COTL1: variants seen among roughly 807,000 people sequenced by gnomAD.
COTL1 encodes coactosin-like protein.
A neutral mutation model predicts 16.5 loss-of-function variants in COTL1; 15 were observed. The ratio of observed to expected loss-of-function variants is 0.91; its 90% CI spans 0.61 to 1.40. The LOEUF (loss-of-function observed/expected upper bound fraction) is 1.40, where lower values mean the gene tolerates loss of function less well. COTL1 is among the 40% of genes most tolerant of loss of function. The probability of loss-of-function intolerance (pLI) is 0.00; values close to 1 mark genes in which losing one functional copy is unlikely to be tolerated. For synonymous variants in COTL1, 112 were observed against 85.3 expected (o/e 1.31, Z -1.73); for missense variants, 220 against 201.5 (o/e 1.09, Z -0.56).
rs116828019 is a variant in COTL1 at position 84,615,719 on chromosome 16, G to A, written c.160+1782C>T. Among the ~76,000 whole-genome samples, 809 of 152,254 alleles carry A rather than the reference G, an allele frequency of 5.3e-3. 5 individuals are homozygous for A. The highest frequency in any genetic ancestry group is 0.017 in the African/African-American group (711 of 41,544). On this transcript the variant is annotated intron_variant, in intron 2 of 3. Transcript: ENST00000262428. ...CATTCAACTACAGAGGCGGAGGGAC[G>A]GAGGCCTGGGTTCAAATCCTGCCCT...
intron 2 of COTL1, among the ~76,000 whole-genome samples, chr16:84,591,999 C>A (rs1331180053): frequency 6.6e-6 from 1 of 152,164 alleles, no homozygotes; most frequent in Non-Finnish European, 1.5e-5. Context: ...GCATCTGGGG[C>A]CAGATCATTC....
At chr16:84,567,111 C>T in intron 3 of COTL1, 156 bp from the exon 4 acceptor site, 1 of 607,236 alleles carries the variant, frequency 1.6e-6, no homozygotes, top group African/African-American at 1.8e-5. Flanking sequence ...GGAAATTCAG[C>T]AGCAGAGTCA....
intron 2 of COTL1, 126 bp downstream of exon 2, chr16:84,617,375 C>T: frequency 2.4e-6 from 2 of 819,330 alleles, no homozygotes; most frequent in South Asian, 3.0e-5. Flanking sequence ...GGGTTCCTCC[C>T]ACGCCATGCG....
At chr16:84,601,064 T>C (rs547098676) in intron 2 of COTL1, among the ~76,000 whole-genome samples, 43 of 152,290 alleles carry the variant, frequency 2.8e-4, no homozygotes, top group African/African-American at 9.6e-4. Context: ...TATTACAGTA[T>C]CTATAGCATC....
intron 3 of COTL1, among the ~76,000 whole-genome samples, chr16:84,570,483 C>A (rs201419495): frequency 6.8e-6 from 1 of 147,292 alleles, no homozygotes; most frequent in Non-Finnish European, 1.5e-5. Flanking sequence ...TTTCAAACTA[C>A]AAAAAAAAAA....
intron 3 of COTL1, chr16:84,568,803 C>G (rs1249027158): frequency 2.0e-5 from 3 of 152,096 alleles, no homozygotes; most frequent in African/African-American, 7.2e-5. Context: ...TAAAAAGGCC[C>G]GTAAGGTGAT....
At chr16:84,570,073 C>G (rs905775329) in intron 3 of COTL1, among the ~76,000 whole-genome samples, 1 of 152,078 alleles carries the variant, frequency 6.6e-6, no homozygotes, top group Admixed American at 6.6e-5. Context: ...GTCAGGAGAT[C>G]GAGACCAGCC....
chr16:84,613,083 C>T (rs1905374219), intron 2 of COTL1, among the ~76,000 whole-genome samples: 1 of 151,828 alleles, frequency 6.6e-6, no homozygotes, highest in African/African-American at 2.4e-5. Context: ...TCACTGCAAC[C>T]TCTGCCTCCT....
rs534225803 is a variant in COTL1 at position 84,617,576 on chromosome 16, A to G, written c.85T>C (p.Phe29Leu). Residue 29 changes from phenylalanine to leucine, a missense_variant, in exon 2 of 4, where the codon TTT becomes CTT. Coordinates refer to ENST00000262428, the MANE Select transcript of COTL1 (RefSeq NM_021149.5). ...DDGSAVIWVT[F>L]KYDGSTIVPG... Reference sequence around the variant, plus strand: ...ACGATGGTGGAGCCGTCATATTTAAAAGTCACCCTTTGGGTTGGGAGAAGA... The same window carrying G: ...ACGATGGTGGAGCCGTCATATTTAAGAGTCACCCTTTGGGTTGGGAGAAGA... 1.2e-4 allele frequency: 186 copies of G among 1,555,868 alleles called. 5 individuals are homozygous for G. In the South Asian group the frequency reaches 2.1e-3, roughly 18 times the overall value.
chr16:84,617,495 C>T lies in COTL1; in HGVS notation c.160+6G>A. 6.4e-7 allele frequency: 1 copy of T among 1,550,644 alleles called. No homozygotes were observed. On this transcript the variant is annotated splice_donor_region_variant and intron_variant, in intron 2 of 3. Coordinates refer to ENST00000262428, the MANE Select transcript of COTL1 (RefSeq NM_021149.5). ...GCGCATCCGCCCGGCAGGCGCGCCT[C>T]CCTACCTGTGCACTGCTGGATGAAG...
intron 2 of COTL1, among the ~76,000 whole-genome samples, chr16:84,593,956 G>A (rs114077747): frequency 9.2e-4 from 140 of 152,262 alleles, no homozygotes; most frequent in African/African-American, 3.2e-3. Context: ...GGCCCTGGCA[G>A]CCACTCTTCC....
chr16:84,600,813 T>C (rs1905092283), intron 2 of COTL1, among the ~76,000 whole-genome samples: 1 of 152,174 alleles, frequency 6.6e-6, no homozygotes, highest in Non-Finnish European at 1.5e-5. Context: ...GAAAATGAAG[T>C]ACAGGATGGC....
At chr16:84,585,245 C>A (rs1394243581) in intron 3 of COTL1, among the ~76,000 whole-genome samples, 1 of 151,686 alleles carries the variant, frequency 6.6e-6, no homozygotes, top group Non-Finnish European at 1.5e-5. Context: ...TCCCCAGCTT[C>A]TCGAGAGGCT....
At chr16:84,607,790 G>A (rs2150695802) in intron 2 of COTL1, among the ~76,000 whole-genome samples, 1 of 152,264 alleles carries the variant, frequency 6.6e-6, no homozygotes, top group East Asian at 1.9e-4. Context: ...TGGGGTCAGG[G>A]AAAGGACTCA....
intron 2 of COTL1, among the ~76,000 whole-genome samples, chr16:84,591,649 A>AAAAAAAAAAAAAAAAC (rs1904866363): frequency 1.3e-5 from 1 of 76,424 alleles, no homozygotes; most frequent in Non-Finnish European, 2.6e-5. Context: ...AAAAAAAAAA[A>AAAAAAAAAAAAAAAAC]AAAAAAAAAA....
At chr16:84,612,470 G>A (rs1211539743) in intron 2 of COTL1, among the ~76,000 whole-genome samples, 5 of 152,158 alleles carry the variant, frequency 3.3e-5, no homozygotes, top group East Asian at 3.9e-4. Flanking sequence ...ATGCCTCTAC[G>A]AGTGCTATCA....
At chr16:84,569,910 T>C (rs1217357081) in intron 3 of COTL1, among the ~76,000 whole-genome samples, 1 of 152,244 alleles carries the variant, frequency 6.6e-6, no homozygotes, top group Non-Finnish European at 1.5e-5. Flanking sequence ...GTGATAGCTA[T>C]ATATGGCAAT....
intron 2 of COTL1, among the ~76,000 whole-genome samples, chr16:84,608,335 C>A (rs1905254074): frequency 6.6e-6 from 1 of 152,230 alleles, no homozygotes; most frequent in Admixed American, 6.5e-5. Context: ...GAACTTGAGA[C>A]ACTGTACTTA....
At chr16:84,574,630 G>C (rs1904410962) in intron 3 of COTL1, among the ~76,000 whole-genome samples, 1 of 152,160 alleles carries the variant, frequency 6.6e-6, no homozygotes, top group Admixed American at 6.5e-5. Context: ...CTGTTGCCCA[G>C]GCTGGAGTGC....
Sources: allele counts gnomAD v4.1 joint callset (sites outside exome capture counted in the v4.1 genomes callset), GRCh38; gene constraint gnomAD v4.1.1; transcripts MANE v1.5; gene names NCBI Gene and HGNC (gene_info 2026-07-23, HGNC 2026-07-21).